ZC3H12B: variants seen among roughly 807,000 people sequenced by gnomAD.
ZC3H12B encodes zinc finger CCCH-type containing 12B.
Under a neutral mutation model 43.9 loss-of-function variants are expected in ZC3H12B, and 7 were observed. The observed-to-expected ratio is 0.16, with a 90% confidence interval of 0.09 to 0.30. The LOEUF (loss-of-function observed/expected upper bound fraction) is 0.30, where lower values mean the gene tolerates loss of function less well. Among genes scored for constraint, ZC3H12B ranks in the 10% least tolerant of loss-of-function variants. The pLI is 1.00. For synonymous variants in ZC3H12B, 222 were observed against 241.7 expected (o/e 0.92, Z 0.76); for missense variants, 475 against 670.2 (o/e 0.71, Z 3.22).
chrX:65,138,853 C>T, the ZC3H12B span, among the ~76,000 whole-genome samples: 1 of 111,952 alleles, frequency 8.9e-6, no homozygotes, highest in Non-Finnish European at 1.9e-5. Context: ...TGTAGATCAC[C>T]TCTTCATGTA....
intron 2 of ZC3H12B, among the ~76,000 whole-genome samples, chrX:65,390,580 C>T (rs1406102382): frequency 9.0e-6 from 1 of 111,303 alleles, no homozygotes; most frequent in Non-Finnish European, 1.9e-5. Context: ...ATATGAGGCA[C>T]ATATTCTTAG....
At chrX:65,361,472 T>C in the ZC3H12B span, among the ~76,000 whole-genome samples, 1 of 112,560 alleles carries the variant, frequency 8.9e-6, no homozygotes. Context: ...ATATCTTTAT[T>C]GTTAGAAAAT....
the ZC3H12B span, among the ~76,000 whole-genome samples, chrX:65,084,973 T>C: frequency 2.7e-5 from 3 of 112,056 alleles, no homozygotes; most frequent in African/African-American, 9.7e-5. Flanking sequence ...GATGGAACTA[T>C]AGATCATTAT....
the ZC3H12B span, among the ~76,000 whole-genome samples, chrX:65,278,569 G>T: frequency 9.0e-6 from 1 of 111,667 alleles, no homozygotes; most frequent in Non-Finnish European, 1.9e-5. Flanking sequence ...AGATGAAATA[G>T]AAAACCTAAA....
intron 2 of ZC3H12B, among the ~76,000 whole-genome samples, chrX:65,386,467 G>T (rs995328229): frequency 4.5e-5 from 5 of 111,768 alleles, no homozygotes; most frequent in Non-Finnish European, 9.4e-5. Flanking sequence ...ATGGTAGTTT[G>T]TATTTCTGTG....
exon 1 of ZC3H12B, chrX:65,489,101 T>G: frequency 1.7e-5 from 20 of 1,211,932 alleles, no homozygotes; most frequent in Non-Finnish European, 2.2e-5. Flanking sequence ...TACAGGATGG[T>G]AAACTTGACT....
intron 3 of ZC3H12B, among the ~76,000 whole-genome samples, chrX:65,453,359 CATATAT>C (rs1159840122): frequency 0.067 from 1,811 of 27,121 alleles, 70 homozygotes; most frequent in African/African-American, 0.13. Flanking sequence ...AGCTCAAATG[CATATAT>C]ATATATATAT....
At chrX:65,187,685 C>A in the ZC3H12B span, among the ~76,000 whole-genome samples, 5 of 104,366 alleles carry the variant, frequency 4.8e-5, no homozygotes, top group Non-Finnish European at 9.8e-5. Flanking sequence ...TTTTCTGGTA[C>A]GTAGTAGGTA....
the ZC3H12B span, among the ~76,000 whole-genome samples, chrX:65,173,561 T>C: frequency 2.7e-5 from 3 of 112,033 alleles, no homozygotes; most frequent in Non-Finnish European, 3.8e-5. Flanking sequence ...TATGGGTTTG[T>C]CATAAACAGC....
At chrX:65,290,437 G>A in the ZC3H12B span, among the ~76,000 whole-genome samples, 4 of 110,477 alleles carry the variant, frequency 3.6e-5, no homozygotes, top group South Asian at 3.8e-4. Flanking sequence ...TGAGACTTCC[G>A]AAAAAAGTAA....
At chrX:65,109,761 G>A in the ZC3H12B span, among the ~76,000 whole-genome samples, 3 of 111,572 alleles carry the variant, frequency 2.7e-5, no homozygotes, top group African/African-American at 9.8e-5. Context: ...TTAATTTACT[G>A]AGAAACTGTT....
intron 2 of ZC3H12B, among the ~76,000 whole-genome samples, chrX:65,381,629 C>G (rs1351779443): frequency 9.0e-6 from 1 of 111,543 alleles, no homozygotes; most frequent in Non-Finnish European, 1.9e-5. Flanking sequence ...GAAATAGAGA[C>G]ACAAAAAAAC....
At chrX:65,045,528 C>T in the ZC3H12B span, among the ~76,000 whole-genome samples, 3 of 111,877 alleles carry the variant, frequency 2.7e-5, no homozygotes, top group African/African-American at 9.7e-5. Flanking sequence ...GAGATTGAAG[C>T]AATTCAATTA....
the ZC3H12B span, among the ~76,000 whole-genome samples, chrX:65,184,040 C>T: frequency 9.0e-6 from 1 of 111,021 alleles, no homozygotes; most frequent in African/African-American, 3.3e-5. Context: ...TGAGGTTGAA[C>T]TTGTTCAGTT....
chrX:65,214,989 C>G, the ZC3H12B span, among the ~76,000 whole-genome samples: 1 of 111,645 alleles, frequency 9.0e-6, no homozygotes, highest in Middle Eastern at 4.2e-3. Flanking sequence ...TGTCTAGGTG[C>G]ATTGTCAATG....
the ZC3H12B span, among the ~76,000 whole-genome samples, chrX:65,152,345 C>G: frequency 9.0e-6 from 1 of 111,555 alleles, no homozygotes; most frequent in African/African-American, 3.3e-5. Context: ...AATGTCTCAG[C>G]CCAAAATCTC....
intron 3 of ZC3H12B, among the ~76,000 whole-genome samples, chrX:65,414,718 C>G (rs992152849): frequency 1.8e-5 from 2 of 111,213 alleles, no homozygotes; most frequent in African/African-American, 6.5e-5. Context: ...GATTCTCTAC[C>G]TTCGCTTCTT....
chrX:65,048,328 G>C, the ZC3H12B span, among the ~76,000 whole-genome samples: 384 of 111,426 alleles, frequency 3.4e-3, no homozygotes, highest in African/African-American at 0.012. Flanking sequence ...TGGACATTTA[G>C]GTTGTTTACA....
At chrX:65,204,104 G>T in the ZC3H12B span, among the ~76,000 whole-genome samples, 1 of 112,479 alleles carries the variant, frequency 8.9e-6, no homozygotes, top group Non-Finnish European at 1.9e-5. Context: ...GCTGCTGCCA[G>T]GATATGGAGG....
Sources: allele counts gnomAD v4.1 joint callset (sites outside exome capture counted in the v4.1 genomes callset), GRCh38; gene constraint gnomAD v4.1.1; transcripts MANE v1.5; gene names NCBI Gene and HGNC (gene_info 2026-07-23, HGNC 2026-07-21).